MAML2: variants seen among roughly 807,000 people sequenced by gnomAD.
The protein encoded by MAML2 is mastermind like transcriptional coactivator 2.
Under a neutral mutation model 96.1 loss-of-function variants are expected in MAML2, and 22 were observed. The observed-to-expected ratio is 0.23, with a 90% CI of 0.16 to 0.33. The LOEUF (loss-of-function observed/expected upper bound fraction) is 0.33, where lower values mean the gene tolerates loss of function less well. MAML2 is among the 10% of genes least tolerant of loss of function. The pLI, the probability that MAML2 is intolerant of heterozygous loss-of-function variation, is 1.00. For missense variants in MAML2, 1,367 were observed against 1,392.4 expected (o/e 0.98, Z 0.29); for synonymous variants, 561 against 521.3 (o/e 1.08, Z -1.04).
At chr11:96,089,903 C>A (rs191852915) in intron 2 of MAML2, among the ~76,000 whole-genome samples, 90 of 49,776 alleles carry the variant, frequency 1.8e-3, no homozygotes, top group Non-Finnish European at 3.3e-3. Flanking sequence ...GTCATATGCC[C>A]TAGGAGAATG....
At chr11:96,101,099 G>A (rs1052453138) in intron 1 of MAML2, among the ~76,000 whole-genome samples, 5 of 152,096 alleles carry the variant, frequency 3.3e-5, no homozygotes, top group African/African-American at 1.2e-4. Flanking sequence ...AGAAGCAGGA[G>A]CAATGCAAAT....
chr11:96,167,013 A>G (rs1861205165), intron 1 of MAML2, among the ~76,000 whole-genome samples: 1 of 152,042 alleles, frequency 6.6e-6, no homozygotes, highest in Non-Finnish European at 1.5e-5. Context: ...CCATTTGAAA[A>G]CTTGCTGTTC....
chr11:96,186,997 T>C (rs1443798152), intron 1 of MAML2, among the ~76,000 whole-genome samples: 2 of 152,256 alleles, frequency 1.3e-5, no homozygotes, highest in East Asian at 1.9e-4. Flanking sequence ...CAAATGTGAA[T>C]AGTGCCTAGA....
chr11:96,002,147 T>C (rs1358670911), intron 2 of MAML2, among the ~76,000 whole-genome samples: 1 of 152,168 alleles, frequency 6.6e-6, no homozygotes, highest in African/African-American at 2.4e-5. Context: ...CAATTGCTCA[T>C]TTGCTTATAC....
intron 3 of MAML2, among the ~76,000 whole-genome samples, chr11:95,988,819 T>C (rs1249487528): frequency 6.6e-6 from 1 of 152,100 alleles, no homozygotes; most frequent in African/African-American, 2.4e-5. Flanking sequence ...TAGGCCATTC[T>C]TGAGAATACT....
chr11:96,331,826 A>AAG (rs1863858402), intron 1 of MAML2, among the ~76,000 whole-genome samples: 1 of 151,864 alleles, frequency 6.6e-6, no homozygotes, highest in Non-Finnish European at 1.5e-5. Flanking sequence ...TCAAAAAAAA[A>AAG]AAAAAAAAGC....
At chr11:96,136,272 C>T (rs560374410) in intron 1 of MAML2, among the ~76,000 whole-genome samples, 1 of 152,192 alleles carries the variant, frequency 6.6e-6, no homozygotes, top group South Asian at 2.1e-4. Flanking sequence ...CGCATAATTG[C>T]TTCAATTTGC....
At chr11:96,040,179 T>C (rs1238388433) in intron 2 of MAML2, among the ~76,000 whole-genome samples, 3 of 152,092 alleles carry the variant, frequency 2.0e-5, no homozygotes, top group Non-Finnish European at 4.4e-5. Flanking sequence ...AGGTGACAGA[T>C]AAAGCAGACA....
At chr11:96,045,972 G>T (rs1858894623) in intron 2 of MAML2, among the ~76,000 whole-genome samples, 1 of 149,224 alleles carries the variant, frequency 6.7e-6, no homozygotes, top group Non-Finnish European at 1.5e-5. Flanking sequence ...GTTTTGTTAG[G>T]TCTTATTTCT....
At chr11:96,330,863 G>A (rs907219935) in intron 1 of MAML2, among the ~76,000 whole-genome samples, 1 of 152,198 alleles carries the variant, frequency 6.6e-6, no homozygotes, top group Non-Finnish European at 1.5e-5. Flanking sequence ...TGCAAGTCAC[G>A]AGGCCAATCG....
intron 1 of MAML2, among the ~76,000 whole-genome samples, chr11:96,204,761 G>A (rs1488185033): frequency 6.6e-6 from 1 of 152,232 alleles, no homozygotes; most frequent in African/African-American, 2.4e-5. Context: ...AGCAGAGAGA[G>A]AGGACAAGGA....
At chr11:96,281,007 C>T (rs1285475385) in intron 1 of MAML2, among the ~76,000 whole-genome samples, 1 of 152,086 alleles carries the variant, frequency 6.6e-6, no homozygotes, top group African/African-American at 2.4e-5. Context: ...AAACTTGTAA[C>T]AGTATTTTCC....
chr11:96,246,572 A>G (rs1270148558), intron 1 of MAML2, among the ~76,000 whole-genome samples: 1 of 152,136 alleles, frequency 6.6e-6, no homozygotes, highest in Admixed American at 6.6e-5. Context: ...CATTTCAGGT[A>G]CACTACAGAT....
chr11:96,337,676 C>G (rs1469411813), intron 1 of MAML2, among the ~76,000 whole-genome samples: 1 of 152,172 alleles, frequency 6.6e-6, no homozygotes, highest in Admixed American at 6.5e-5. Flanking sequence ...AATGCCAATC[C>G]CTCTATTTAC....
chr11:96,332,942 A>G (rs1366867331), intron 1 of MAML2, among the ~76,000 whole-genome samples: 1 of 152,212 alleles, frequency 6.6e-6, no homozygotes, highest in Non-Finnish European at 1.5e-5. Context: ...GATACTGTGT[A>G]TCCAACAGAC....
intron 1 of MAML2, among the ~76,000 whole-genome samples, chr11:96,177,916 TTGTGTGTGTGTG>T (rs58447778): frequency 0.01 from 1,416 of 139,932 alleles, 18 homozygotes; most frequent in African/African-American, 0.029. Context: ...GAGACCTTAG[TTGTGTGTGTGTG>T]TGTGTGTGTG....
At chr11:96,184,194 G>A (rs1279006113) in intron 1 of MAML2, among the ~76,000 whole-genome samples, 1 of 152,220 alleles carries the variant, frequency 6.6e-6, no homozygotes, top group Non-Finnish European at 1.5e-5. Flanking sequence ...TGTAATCCCA[G>A]CACTTTGGGA....
At chr11:96,166,344 A>G (rs1861194913) in intron 1 of MAML2, among the ~76,000 whole-genome samples, 1 of 152,192 alleles carries the variant, frequency 6.6e-6, no homozygotes, top group East Asian at 1.9e-4. Context: ...TTAAAGGATA[A>G]GTGTGATCAT....
intron 1 of MAML2, among the ~76,000 whole-genome samples, chr11:96,120,020 C>T (rs1165002953): frequency 1.4e-5 from 2 of 144,122 alleles, no homozygotes; most frequent in Non-Finnish European, 3.0e-5. Context: ...TGCAGTGACA[C>T]GATCTCAGCT....
Sources: allele counts gnomAD v4.1 joint callset (sites outside exome capture counted in the v4.1 genomes callset), GRCh38; gene constraint gnomAD v4.1.1; transcripts MANE v1.5; gene names NCBI Gene and HGNC (gene_info 2026-07-23, HGNC 2026-07-21).